The following GPC5 variants were observed in gnomAD, a reference collection of about 807,000 sequenced individuals.
GPC5 encodes glypican 5, also known as glypican-5.
Under a neutral mutation model 53.9 loss-of-function variants are expected in GPC5, and 47 were observed. The ratio of observed to expected loss-of-function variants is 0.87; its 90% CI spans 0.69 to 1.11. The LOEUF (loss-of-function observed/expected upper bound fraction) is 1.11, where lower values mean the gene tolerates loss of function less well. GPC5 is among the 50% of genes most tolerant of loss of function. The pLI is 0.00. For synonymous variants in GPC5, 286 were observed against 263.3 expected (o/e 1.09, Z -0.84); for missense variants, 748 against 713.1 (o/e 1.05, Z -0.56).
chr13:91,856,491 T>C (rs2038968282), intron 5 of GPC5, among the ~76,000 whole-genome samples: 1 of 151,656 alleles, frequency 6.6e-6, no homozygotes, highest in Non-Finnish European at 1.5e-5. Context: ...TTTAGTGTTG[T>C]CATTTTTTCA....
At chr13:91,551,222 C>T (rs1594241741) in intron 2 of GPC5, among the ~76,000 whole-genome samples, 1 of 151,848 alleles carries the variant, frequency 6.6e-6, no homozygotes, top group Admixed American at 6.6e-5. Flanking sequence ...AATTCAAGTG[C>T]CTTTGGCTAT....
chr13:91,697,174 T>A (rs2035895588), intron 3 of GPC5, among the ~76,000 whole-genome samples: 1 of 152,322 alleles, frequency 6.6e-6, no homozygotes, highest in African/African-American at 2.4e-5. Flanking sequence ...AATGGAGTCT[T>A]GCTCTGTCAC....
Position 92,242,481 on chromosome 13 carries a change from T to C in GPC5, c.1561+97492T>C, listed in dbSNP as rs186654574. Among the ~76,000 whole-genome samples the C allele has an allele frequency of 3.3e-3, 501 of 152,162 alleles. 3 individuals carry two copies. Among genetic ancestry groups the C allele is most frequent in the African/African-American group, 0.011 (476 of 41,552 alleles). On this transcript the variant is annotated intron_variant, in intron 7 of 7. Coordinates refer to ENST00000377067, the MANE Select transcript of GPC5 (RefSeq NM_004466.6). ...TTTAAGAGTTCTTTCTTACTACCTATAGAAAAATCTTCTTCATTTTTTAAT... is the reference window on the plus strand; with the variant it reads ...TTTAAGAGTTCTTTCTTACTACCTACAGAAAAATCTTCTTCATTTTTTAAT...
chr13:92,759,665 A>C (rs569868221), intron 7 of GPC5, among the ~76,000 whole-genome samples: 57 of 152,092 alleles, frequency 3.7e-4, no homozygotes, highest in Admixed American at 2.5e-3. Flanking sequence ...GCAAATACAG[A>C]TACTTTTATT....
At chr13:91,811,258 T>C (rs1037939957) in intron 5 of GPC5, among the ~76,000 whole-genome samples, 7 of 152,054 alleles carry the variant, frequency 4.6e-5, no homozygotes, top group Admixed American at 4.6e-4. Flanking sequence ...TTAAGACTAA[T>C]TTTTAAAATT....
chr13:91,945,509 TC>T (rs1357154742), intron 6 of GPC5, among the ~76,000 whole-genome samples: 3 of 152,226 alleles, frequency 2.0e-5, no homozygotes, highest in African/African-American at 7.2e-5. Context: ...GTTGATATAT[TC>T]CTTTTTATCT....
At chr13:91,519,024 A>G (rs1430371092) in intron 2 of GPC5, among the ~76,000 whole-genome samples, 1 of 152,226 alleles carries the variant, frequency 6.6e-6, no homozygotes, top group Admixed American at 6.5e-5. Context: ...AGTTTGAAAT[A>G]CGGGACGTGT....
chr13:92,041,348 A>T (rs780619626), intron 6 of GPC5, among the ~76,000 whole-genome samples: 4 of 152,210 alleles, frequency 2.6e-5, no homozygotes, highest in African/African-American at 7.2e-5. Flanking sequence ...GGATGTGATC[A>T]CGTACTAGTC....
intron 6 of GPC5, among the ~76,000 whole-genome samples, chr13:91,993,264 C>G (rs1458580279): frequency 1.3e-5 from 2 of 152,110 alleles, no homozygotes; most frequent in African/African-American, 2.4e-5. Context: ...GCCTCAAATC[C>G]TCTTTTAATT....
intron 7 of GPC5, among the ~76,000 whole-genome samples, chr13:92,824,844 T>C (rs976519015): frequency 2.0e-5 from 3 of 151,906 alleles, no homozygotes; most frequent in Admixed American, 6.6e-5. Flanking sequence ...AAGAAAAAAA[T>C]AAATAAAATT....
intron 7 of GPC5, among the ~76,000 whole-genome samples, chr13:92,468,226 A>G (rs1000069623): frequency 3.3e-5 from 5 of 152,126 alleles, no homozygotes; most frequent in African/African-American, 9.7e-5. Context: ...TGGAAACCAG[A>G]TAATACAAAG....
chr13:92,003,058 C>G (rs1218469188), intron 6 of GPC5, among the ~76,000 whole-genome samples: 1 of 152,116 alleles, frequency 6.6e-6, no homozygotes, highest in African/African-American at 2.4e-5. Context: ...CTCCTATAAT[C>G]CCAGCACTTT....
chr13:91,630,516 A>AT (rs1314035097), intron 2 of GPC5, among the ~76,000 whole-genome samples: 2 of 152,274 alleles, frequency 1.3e-5, no homozygotes, highest in African/African-American at 2.4e-5. Context: ...GGAAATTTAG[A>AT]TTTTTTAGCT....
chr13:91,866,496 C>G (rs958297531), intron 5 of GPC5, among the ~76,000 whole-genome samples: 1 of 152,076 alleles, frequency 6.6e-6, no homozygotes, highest in African/African-American at 2.4e-5. Flanking sequence ...CACAAGAGAT[C>G]TTGTTGTTTA....
intron 7 of GPC5, among the ~76,000 whole-genome samples, chr13:92,749,436 GA>G: frequency 6.6e-6 from 1 of 151,630 alleles, no homozygotes; most frequent in East Asian, 1.9e-4. Flanking sequence ...AGTTCATCCG[GA>G]AAAAAAAGTA....
intron 7 of GPC5, among the ~76,000 whole-genome samples, chr13:92,586,473 GT>G (rs1883540816): frequency 6.6e-6 from 1 of 152,212 alleles, no homozygotes; most frequent in Admixed American, 6.5e-5. Context: ...AGCATGTGAA[GT>G]TGGGTTTTTA....
chr13:92,435,400 C>T (rs186368561), intron 7 of GPC5, among the ~76,000 whole-genome samples: 549 of 152,122 alleles, frequency 3.6e-3, no homozygotes, highest in African/African-American at 0.012. Flanking sequence ...TTCTATGGAA[C>T]GGTTTTCAAA....
chr13:92,653,319 C>G (rs957086252), intron 7 of GPC5, among the ~76,000 whole-genome samples: 5 of 152,118 alleles, frequency 3.3e-5, no homozygotes, highest in African/African-American at 1.2e-4. Context: ...TTCTAGCATG[C>G]CCAATCTACT....
At chr13:92,271,836 T>G (rs1033273871) in intron 7 of GPC5, among the ~76,000 whole-genome samples, 1 of 152,172 alleles carries the variant, frequency 6.6e-6, no homozygotes, top group Non-Finnish European at 1.5e-5. Context: ...TCCTCCAGTA[T>G]AAATATGGTC....
Sources: gnomAD v4.1 joint callset for allele counts (sites outside exome capture counted in the v4.1 genomes callset) on GRCh38, gnomAD v4.1.1 for gene constraint, MANE v1.5 for transcripts, NCBI Gene and HGNC (gene_info 2026-07-23, HGNC 2026-07-21) for gene names.